The following RRM2 variants were observed in gnomAD, a reference collection of about 807,000 sequenced individuals.
RRM2 encodes ribonucleotide reductase regulatory subunit M2.
In RRM2, 6 loss-of-function variants were observed where a neutral mutation model predicts 45.9. That is an observed-to-expected ratio of 0.13 (90% CI 0.07 to 0.26). The LOEUF is 0.26. Ranked by LOEUF, RRM2 falls within the 10% of genes least tolerant of loss-of-function variation. The pLI is 1.00. For missense variants in RRM2, 343 were observed against 489.5 expected, an observed-to-expected ratio of 0.70 and a Z score of 2.82; for synonymous variants, 177 against 173.0, an observed-to-expected ratio of 1.02 and a Z score of -0.18.
intron 3 of RRM2, among the ~76,000 whole-genome samples, chr2:10,163,214 T>C (rs1663605264): frequency 6.6e-6 from 1 of 152,076 alleles, no homozygotes; most frequent in Admixed American, 6.5e-5. Context: ...TGGAAAGAAA[T>C]CAGGACAATT....
At position 10,175,527 on chromosome 2, in the gene RRM2, C is replaced by T. The variant is rs1382300897; in HGVS notation, n.482+33152C>T. Among the ~76,000 whole-genome samples, 3 of 152,198 alleles carry T rather than the reference C, an allele frequency of 2.0e-5. No homozygotes were observed. The East Asian group carries it at 5.8e-4, about 29-fold the overall frequency. On this transcript the variant is annotated intron_variant and non_coding_transcript_variant, in intron 3 of 3. Coordinates refer to the RRM2 transcript ENST00000381786. Reference sequence around the variant, plus strand: ...AAACTCCATACTCATTAAACACTAACTCTGTATTCCCTCCTCCCCGCAGCC... The same window carrying T: ...AAACTCCATACTCATTAAACACTAATTCTGTATTCCCTCCTCCCCGCAGCC...
chr2:10,122,643 CAGCCAATGGGAAGGGCCGGGGCACCAA>C (rs765536182), upstream of RRM2: 70 of 1,544,704 alleles, frequency 4.5e-5, no homozygotes, highest in African/African-American at 6.8e-5. Context: ...AGGCATGGCA[CAGCCAATGGGAAGGGCCGGGGCACCAA>C]AGCCAATGGG....
chr2:10,139,491 A>G (rs532676060), upstream of RRM2, among the ~76,000 whole-genome samples: 1 of 152,314 alleles, frequency 6.6e-6, no homozygotes, highest in South Asian at 2.1e-4. Context: ...GACTTTTGCC[A>G]CTGTGAGCTG....
At position 10,179,274 on chromosome 2, in the gene RRM2, C is replaced by T. The variant is rs375929413; in HGVS notation, n.483-31037C>T. Among the ~76,000 whole-genome samples, 5 of 152,242 alleles carry T rather than the reference C, an allele frequency of 3.3e-5. No homozygotes were observed. The East Asian group carries it at 9.6e-4, about 29-fold the overall frequency. On this transcript the variant is annotated intron_variant and non_coding_transcript_variant, in intron 3 of 3. Transcript: ENST00000381786. Reference sequence around the variant, plus strand: ...TTCAGCTATTCTCATGCCTCAGCCTCCCAAGTAGCTGGGATTACAGCCACA... The same window carrying T: ...TTCAGCTATTCTCATGCCTCAGCCTTCCAAGTAGCTGGGATTACAGCCACA...
chr2:10,183,487 T>A (rs1019972861), intron 3 of RRM2, among the ~76,000 whole-genome samples: 6 of 152,238 alleles, frequency 3.9e-5, no homozygotes, highest in African/African-American at 1.4e-4. Flanking sequence ...TGCCCCTCCA[T>A]GGCAAGGTCA....
chr2:10,128,835 C>CT lies in RRM2; in HGVS notation c.799-5dup, dbSNP rs767482697. 3.2e-5 allele frequency: 51 copies of CT among 1,601,796 alleles called. No homozygotes were observed. Among genetic ancestry groups the CT allele is most frequent in the African/African-American group, 2.4e-4 (18 of 74,798 alleles). ...GTCTTCTGGCTTTAGTGATCTTGAA[C>CT]TTTTTTTTCTAGGGTTTACACTGTG... On this transcript the variant is annotated splice_polypyrimidine_tract_variant and intron_variant, in intron 7 of 9. Transcript: ENST00000304567.
rs1662855541 is a variant in RRM2, at chr2:10,129,617, G to A, written c.*231G>A. 3 of 524,756 alleles carry A rather than the reference G, an allele frequency of 5.7e-6. No individual in the cohort carries two copies. The highest frequency in any genetic ancestry group is 1.9e-5 in the African/African-American group (1 of 52,462). 32.5% of individuals were successfully genotyped at this position (524,756 alleles called of 1,614,324 possible). A position where few individuals can be genotyped will look rare whatever the true frequency, so the allele number is the denominator to read the frequency against. On this transcript the variant is annotated 3_prime_UTR_variant, in exon 10 of 10. Coordinates refer to ENST00000304567, the MANE Select transcript of RRM2 (RefSeq NM_001034.4). The surrounding 1 kb of genome is among the most constrained non-coding windows in gnomAD (Gnocchi z 4.8). ...TGTGACTTACCATAGCAGTGACAATGGCAGTCTTGGCTTTAAAGTGAGGGG... is the reference window on the plus strand; with the variant it reads ...TGTGACTTACCATAGCAGTGACAATAGCAGTCTTGGCTTTAAAGTGAGGGG...
Position 10,149,869 on chromosome 2 carries a change from C to T in RRM2, n.482+7494C>T, listed in dbSNP as rs1663271010. On this transcript the variant is annotated intron_variant and non_coding_transcript_variant, in intron 3 of 3. Coordinates refer to the RRM2 transcript ENST00000381786. ...GCCACTGTCATGAGATCACAGGCCC[C>T]ACTCCTGCTCATGCAGATAAGGGAC... Among the ~76,000 whole-genome samples the T allele has an allele frequency of 2.0e-5, 3 of 152,240 alleles. No homozygotes were observed. The South Asian group carries it at 6.2e-4, about 31-fold the overall frequency.
chr2:10,137,581 T>A (rs965368492), upstream of RRM2, among the ~76,000 whole-genome samples: 12 of 152,254 alleles, frequency 7.9e-5, no homozygotes, highest in African/African-American at 2.9e-4. Flanking sequence ...CCTGGGACGC[T>A]CTGGGTACTA....
intron 3 of RRM2, among the ~76,000 whole-genome samples, chr2:10,208,219 A>G (rs1471202967): frequency 1.3e-5 from 2 of 152,194 alleles, no homozygotes; most frequent in East Asian, 1.9e-4. Flanking sequence ...GGTAGATGGC[A>G]GGTGACTGGC....
chr2:10,168,451 C>A (rs1356956815), intron 3 of RRM2, among the ~76,000 whole-genome samples: 1 of 152,126 alleles, frequency 6.6e-6, no homozygotes, highest in Non-Finnish European at 1.5e-5. Flanking sequence ...AGTGAAGCTG[C>A]CTCTTCTTGA....
intron 3 of RRM2, among the ~76,000 whole-genome samples, chr2:10,158,956 G>A (rs1233070712): frequency 2.0e-5 from 3 of 152,228 alleles, no homozygotes; most frequent in South Asian, 2.1e-4. Context: ...GGAGAACCAA[G>A]TAGTAGTGAG....
chr2:10,163,546 G>A (rs918404875), intron 3 of RRM2, among the ~76,000 whole-genome samples: 17 of 152,122 alleles, frequency 1.1e-4, no homozygotes, highest in African/African-American at 4.1e-4. Flanking sequence ...AGTTTCCCCG[G>A]GTCTGCAAAA....
chr2:10,147,035 C>G (rs1049711831), intron 3 of RRM2, among the ~76,000 whole-genome samples: 1 of 152,112 alleles, frequency 6.6e-6, no homozygotes, highest in African/African-American at 2.4e-5. Flanking sequence ...TCACTGCAAC[C>G]TCTGCCTCCC....
In RRM2 at chr2:10,160,764, C is replaced by T. The variant is rs564763295; in HGVS notation, n.482+18389C>T. Among the ~76,000 whole-genome samples the T allele has an allele frequency of 2.6e-5, 4 of 152,328 alleles. No individual in the cohort carries two copies. The East Asian group carries it at 5.8e-4, about 22-fold the overall frequency. On this transcript the variant is annotated intron_variant and non_coding_transcript_variant, in intron 3 of 3. Coordinates refer to the RRM2 transcript ENST00000381786. ...AACCCCTGGACGTCAGGACACTGCACCATGCAGCCCACTGTATTTTCAGTC... is the reference window on the plus strand; with the variant it reads ...AACCCCTGGACGTCAGGACACTGCATCATGCAGCCCACTGTATTTTCAGTC...
In RRM2 at chr2:10,123,005, G is replaced by T. The variant is rs753276719; in HGVS notation, c.122G>T (p.Arg41Leu). Reference sequence around the variant, plus strand: ...CAGCCGCCGGCCCTGAGCGGGACCCGCGTCCTGGCCAGCAAGACCGCGAGG... The same window carrying T: ...CAGCCGCCGGCCCTGAGCGGGACCCTCGTCCTGGCCAGCAAGACCGCGAGG... ...ENTPPALSGT[R>L]VLASKTARRI... Residue 41 changes from arginine to leucine, a missense_variant, in exon 2 of 10, where the codon CGC (arginine) becomes CTC (leucine). Transcript: ENST00000304567. 6.4e-7 allele frequency: 1 copy of T among 1,562,666 alleles called. No homozygotes were observed. Among genetic ancestry groups the T allele is most frequent in the South Asian group, 1.2e-5 (1 of 86,342 alleles).
upstream of RRM2, chr2:10,122,721 T>C: frequency 5.2e-6 from 8 of 1,551,412 alleles, no homozygotes; most frequent in Non-Finnish European, 7.0e-6. Flanking sequence ...TAAAGGCTGC[T>C]GGAGTGAGGG....
intron 3 of RRM2, among the ~76,000 whole-genome samples, chr2:10,190,926 C>T (rs929246019): frequency 6.6e-6 from 1 of 152,120 alleles, no homozygotes. Flanking sequence ...TTCCTCTTCT[C>T]TAGCTCTGTC....
chr2:10,168,544 A>G (rs1016967222), intron 3 of RRM2, among the ~76,000 whole-genome samples: 2 of 152,070 alleles, frequency 1.3e-5, no homozygotes, highest in African/African-American at 4.8e-5. Flanking sequence ...TTCTTTCTGG[A>G]TCTGTTGAAT....
Sources: allele counts gnomAD v4.1 joint callset (sites outside exome capture counted in the v4.1 genomes callset), GRCh38; gene constraint gnomAD v4.1.1; non-coding constraint Gnocchi (gnomAD v3.1); transcripts MANE v1.5; gene names NCBI Gene and HGNC (gene_info 2026-07-23, HGNC 2026-07-21).